Variants in SENP7 observed in about 807,000 individuals in gnomAD.
SENP7 encodes the protein sentrin-specific protease 7.
In SENP7, 64 loss-of-function variants were observed where a neutral mutation model predicts 141.2. That is an observed-to-expected ratio of 0.45 (90% CI 0.37 to 0.56). The LOEUF (loss-of-function observed/expected upper bound fraction) is 0.56. Among genes scored for constraint, SENP7 ranks in the 20% least tolerant of loss-of-function variants. The pLI, the probability that SENP7 is intolerant of heterozygous loss-of-function variation, is 0.00. For synonymous variants in SENP7, 382 were observed against 426.4 expected (o/e 0.90, Z 1.28); for missense variants, 1,025 against 1,212.2 (o/e 0.85, Z 2.29).
chr3:101,412,651 C>T (rs1225014076), intron 5 of SENP7, among the ~76,000 whole-genome samples: 1 of 152,052 alleles, frequency 6.6e-6, no homozygotes, highest in East Asian at 1.9e-4. Flanking sequence ...TATGGGTACA[C>T]TATCTCCATA....
At chr3:101,413,721 T>TAAAAAA (rs1270874339) in intron 5 of SENP7, among the ~76,000 whole-genome samples, 1 of 111,954 alleles carries the variant, frequency 8.9e-6, no homozygotes, top group Non-Finnish European at 1.8e-5. Context: ...AAGGCTTCCT[T>TAAAAAA]AAAAAAAAAA....
intron 5 of SENP7, 33 bp from the exon 6 acceptor site, chr3:101,399,088 C>G: frequency 7.4e-7 from 1 of 1,352,728 alleles, no homozygotes. Flanking sequence ...CTGTACTGTA[C>G]TGAAGTTTTC....
intron 4 of SENP7, among the ~76,000 whole-genome samples, chr3:101,426,728 C>G (rs1024117770): frequency 2.6e-5 from 4 of 152,060 alleles, no homozygotes; most frequent in African/African-American, 7.2e-5. Context: ...GTGATCCTCC[C>G]ACCTCAGCCT....
intron 4 of SENP7, chr3:101,458,747 C>T: frequency 4.8e-6 from 2 of 413,118 alleles, no homozygotes; most frequent in Non-Finnish European, 8.7e-6. Context: ...GAAAGCTTAT[C>T]AAGATGTTCC....
chr3:101,372,627 C>CA (rs1165784714), intron 6 of SENP7, among the ~76,000 whole-genome samples: 1 of 151,838 alleles, frequency 6.6e-6, no homozygotes, highest in Non-Finnish European at 1.5e-5. Context: ...GGTAAAATAA[C>CA]AAATTTTGGA....
chr3:101,428,874 G>T (rs911792246), intron 4 of SENP7, among the ~76,000 whole-genome samples: 12 of 152,136 alleles, frequency 7.9e-5, no homozygotes, highest in African/African-American at 2.2e-4. Context: ...TTTGTATAAG[G>T]TCTAAGGAAG....
chr3:101,366,878 A>C, intron 8 of SENP7, 109 bp from the exon 9 acceptor site: 1 of 670,722 alleles, frequency 1.5e-6, no homozygotes, highest in Non-Finnish European at 2.5e-6. Context: ...CTATAACTAC[A>C]TGGATAGAAA....
intron 6 of SENP7, among the ~76,000 whole-genome samples, chr3:101,373,818 T>G (rs924406087): frequency 1.3e-5 from 2 of 152,178 alleles, no homozygotes; most frequent in East Asian, 3.8e-4. Flanking sequence ...TTCTAAACTG[T>G]ACATGGTGGA....
At chr3:101,406,207 G>T (rs572135189) in intron 5 of SENP7, among the ~76,000 whole-genome samples, 1 of 152,214 alleles carries the variant, frequency 6.6e-6, no homozygotes, top group Admixed American at 6.5e-5. Flanking sequence ...AAGATAGATT[G>T]GATTAAAAAA....
intron 6 of SENP7, among the ~76,000 whole-genome samples, chr3:101,374,299 T>C (rs968260070): frequency 6.6e-6 from 1 of 152,082 alleles, no homozygotes; most frequent in Non-Finnish European, 1.5e-5. Flanking sequence ...TCTACAAAAA[T>C]TAACTCAAAG....
intron 6 of SENP7, among the ~76,000 whole-genome samples, chr3:101,374,974 C>T (rs879814318): frequency 1.3e-5 from 2 of 151,782 alleles, no homozygotes; most frequent in African/African-American, 2.4e-5. Context: ...GATGTTTCTC[C>T]AAAGACATAC....
chr3:101,389,989 G>A (rs7646962), intron 6 of SENP7, among the ~76,000 whole-genome samples: 60,217 of 151,698 alleles, frequency 0.4, 12,455 homozygotes, highest in Admixed American at 0.54. Context: ...GGAGGCTGAG[G>A]CGGGTGGATC....
chr3:101,490,465 A>C (rs1202688179), intron 3 of SENP7, among the ~76,000 whole-genome samples: 3 of 152,200 alleles, frequency 2.0e-5, no homozygotes, highest in Non-Finnish European at 4.4e-5. Context: ...TGCCAGAATC[A>C]TGGTGGAGGT....
At position 101,325,834 on chromosome 3, in the gene SENP7, T is replaced by C. The variant is rs2058885717; in HGVS notation, c.*109A>G. On this transcript the variant is annotated 3_prime_UTR_variant, in exon 24 of 24. Coordinates refer to ENST00000394095, the MANE Select transcript of SENP7 (RefSeq NM_020654.5). ...TAAATAATGTTCCAATGACTTATTATAAAACTACTGCAAGTTATTTTCTTC... is the reference window on the plus strand; with the variant it reads ...TAAATAATGTTCCAATGACTTATTACAAAACTACTGCAAGTTATTTTCTTC... The C allele has an allele frequency of 1.0e-6, 1 of 1,001,568 alleles. No homozygotes were observed. 62.0% of individuals were successfully genotyped at this position (1,001,568 alleles called of 1,614,324 possible). A position where few individuals can be genotyped will look rare whatever the true frequency, so the allele number is the denominator to read the frequency against.
intron 3 of SENP7, among the ~76,000 whole-genome samples, chr3:101,475,558 G>A (rs2064182693): frequency 6.6e-6 from 1 of 152,076 alleles, no homozygotes; most frequent in South Asian, 2.1e-4. Context: ...GGGACGAAGG[G>A]AAAAAGAACA....
At position 101,343,766 on chromosome 3, in the gene SENP7, G is replaced by T. The variant is rs1441854083; in HGVS notation, c.2026C>A (p.His676Asn). ...GAACAAGTTGAAACACAGTAATAAT[G>T]AATAAAAGAACTTTCTTTTGAAGAG... is the stretch of plus-strand genomic sequence containing the variant. ...NLSSKESSFI[H>N]YYCVSTCSFP... Residue 676 changes from histidine to asparagine, a missense_variant, in exon 14 of 24, where the codon CAT (histidine) becomes AAT (asparagine). Transcript: ENST00000394095. The T allele has an allele frequency of 1.2e-6, 2 of 1,613,710 alleles. No homozygotes were observed. The highest frequency in any genetic ancestry group is 1.7e-6 in the Non-Finnish European group (2 of 1,179,770).
At chr3:101,427,280 G>C (rs1425627281) in intron 4 of SENP7, among the ~76,000 whole-genome samples, 1 of 152,064 alleles carries the variant, frequency 6.6e-6, no homozygotes, top group Non-Finnish European at 1.5e-5. Flanking sequence ...CCTGAGCTCA[G>C]GAGTTTGAGA....
intron 3 of SENP7, among the ~76,000 whole-genome samples, chr3:101,473,252 T>C (rs112399530): frequency 0.011 from 1,708 of 152,362 alleles, 31 homozygotes; most frequent in African/African-American, 0.039. Flanking sequence ...AAATACCCAG[T>C]AATGGGACTG....
intron 13 of SENP7, among the ~76,000 whole-genome samples, chr3:101,344,991 CA>C (rs71132568): frequency 0.015 from 909 of 61,304 alleles, 20 homozygotes; most frequent in East Asian, 0.11. Flanking sequence ...AAAAAGAAAG[CA>C]AAAAAAAAAA....
Sources: gnomAD v4.1 joint callset for allele counts (sites outside exome capture counted in the v4.1 genomes callset) on GRCh38, gnomAD v4.1.1 for gene constraint, MANE v1.5 for transcripts, NCBI Gene and HGNC (gene_info 2026-07-23, HGNC 2026-07-21) for gene names.